Variants in RASGRF1 observed in about 807,000 individuals in gnomAD.
RASGRF1 encodes Ras protein specific guanine nucleotide releasing factor 1, also known as ras-specific guanine nucleotide-releasing factor 1.
Under a neutral mutation model 138.7 loss-of-function variants are expected in RASGRF1, and 40 were observed. The ratio of observed to expected loss-of-function variants is 0.29; its 90% CI spans 0.22 to 0.38. The LOEUF (loss-of-function observed/expected upper bound fraction) is 0.38. Among genes scored for constraint, RASGRF1 ranks in the 10% least tolerant of loss-of-function variants. The pLI, the probability that RASGRF1 is intolerant of heterozygous loss-of-function variation, is 1.00. For missense variants in RASGRF1, 1,108 were observed against 1,650.4 expected, an observed-to-expected ratio of 0.67 and a Z score of 5.69; for synonymous variants, 614 against 663.2, an observed-to-expected ratio of 0.93 and a Z score of 1.14.
At position 79,004,145 on chromosome 15, in the gene RASGRF1, C is replaced by T. The variant is rs763217651; in HGVS notation, c.2106G>A (p.Gln702=). Residue 702 remains glutamine (Q), a synonymous_variant, in exon 15 of 27, where the codon CAG becomes CAA. Coordinates refer to ENST00000558480, the MANE Select transcript of RASGRF1 (RefSeq NM_001145648.3). ...GTTCACCGTACAGGAGCTTATTGTT[C>T]TGGCCACTGGCAAACAGGAGCTCCA... ...RSLELLFASG[Q]NNKLLYGEPP... is the part of the protein sequence containing the mutation. 3.4e-5 allele frequency: 55 copies of T among 1,595,096 alleles called. No individual in the cohort carries two copies. Among genetic ancestry groups the T allele is most frequent in the Middle Eastern group, 1.7e-4 (1 of 6,004 alleles).
intron 24 of RASGRF1, chr15:78,980,375 G>A (rs1463807804): frequency 5.3e-6 from 2 of 376,290 alleles, no homozygotes; most frequent in Non-Finnish European, 9.6e-6. Context: ...CAGCTACTAT[G>A]CTTTCAGGGA....
chr15:79,028,829 A>G (rs1390310564), intron 8 of RASGRF1, among the ~76,000 whole-genome samples: 1 of 152,258 alleles, frequency 6.6e-6, no homozygotes, highest in African/African-American at 2.4e-5. Flanking sequence ...TCTCATAGAC[A>G]TTATTCAATT....
intron 13 of RASGRF1, among the ~76,000 whole-genome samples, chr15:79,011,197 T>C (rs1286762347): frequency 1.3e-5 from 2 of 152,116 alleles, no homozygotes; most frequent in Admixed American, 1.3e-4. Flanking sequence ...CCCCACTCCT[T>C]GCCGGTCGCG....
At chr15:78,994,846 C>A (rs2056355394) in intron 20 of RASGRF1, among the ~76,000 whole-genome samples, 2 of 151,780 alleles carry the variant, frequency 1.3e-5, no homozygotes, top group African/African-American at 4.8e-5. Context: ...GTCAGCCAGA[C>A]CTGGGTGTGA....
chr15:79,047,566 A>G (rs989933517), intron 4 of RASGRF1, among the ~76,000 whole-genome samples: 3 of 152,158 alleles, frequency 2.0e-5, no homozygotes, highest in African/African-American at 4.8e-5. Context: ...AAATTAGTTA[A>G]TCTCATACTT....
At position 78,973,282 on chromosome 15, in the gene RASGRF1, G is replaced by T. The variant is rs2055808061; in HGVS notation, c.3612+21C>A. On this transcript the variant is annotated intron_variant, in intron 25 of 26. Coordinates refer to ENST00000558480, the MANE Select transcript of RASGRF1 (RefSeq NM_001145648.3). The surrounding 1 kb of genome is among the most constrained non-coding windows in gnomAD (Gnocchi z 4.9). ...TGGGCTTCAACGCCCCCCTTCCCCT[G>T]CCTGGCTGGGGGGAACGCACCATCC... 5 of 1,559,734 alleles carry T rather than the reference G, an allele frequency of 3.2e-6. No homozygotes were observed. Among genetic ancestry groups the T allele is most frequent in the Non-Finnish European group, 4.4e-6 (5 of 1,137,862 alleles).
At chr15:78,985,549 A>G (rs1207512059) in intron 22 of RASGRF1, 3 of 196,730 alleles carry the variant, frequency 1.5e-5, no homozygotes, top group African/African-American at 7.0e-5. Flanking sequence ...ACAGAGAAAG[A>G]GATCAAATTC....
intron 2 of RASGRF1, among the ~76,000 whole-genome samples, chr15:79,061,245 C>T (rs2057599827): frequency 1.3e-5 from 2 of 151,918 alleles, no homozygotes; most frequent in East Asian, 1.9e-4. Flanking sequence ...GAGCTCAGCC[C>T]ACTGACTCTT....
chr15:79,016,767 G>A (rs1004722535), intron 12 of RASGRF1, among the ~76,000 whole-genome samples: 7 of 152,238 alleles, frequency 4.6e-5, no homozygotes, highest in African/African-American at 1.7e-4. Flanking sequence ...AAGGAAGGCT[G>A]GGAGCGGCAG....
chr15:79,041,935 T>C (rs2057302443), intron 5 of RASGRF1, among the ~76,000 whole-genome samples: 1 of 152,122 alleles, frequency 6.6e-6, no homozygotes. Context: ...CCACTGCCAA[T>C]CAGTCAGCGC....
chr15:79,056,669 T>C (rs1290709169), intron 3 of RASGRF1, among the ~76,000 whole-genome samples: 8 of 152,220 alleles, frequency 5.3e-5, no homozygotes, highest in African/African-American at 1.2e-4. Flanking sequence ...GTGCCTGTTA[T>C]CAGGCTAGCA....
intron 6 of RASGRF1, 26 bp downstream of exon 6, chr15:79,035,105 G>C: frequency 1.3e-6 from 2 of 1,591,338 alleles, no homozygotes; most frequent in Non-Finnish European, 1.7e-6. Flanking sequence ...CTTCTCTGGG[G>C]GCCGCAGTGA....
intron 5 of RASGRF1, among the ~76,000 whole-genome samples, chr15:79,044,779 C>T (rs1339596722): frequency 6.6e-6 from 1 of 152,108 alleles, no homozygotes; most frequent in Non-Finnish European, 1.5e-5. Context: ...CTCATTTGTT[C>T]TCCATTAAAG....
intron 1 of RASGRF1, among the ~76,000 whole-genome samples, chr15:79,078,330 A>G (rs1231833379): frequency 1.3e-5 from 2 of 152,094 alleles, no homozygotes; most frequent in South Asian, 2.1e-4. Flanking sequence ...GGCCACCCCA[A>G]GAGCATCTTC....
At position 79,027,239 on chromosome 15, in the gene RASGRF1, G is replaced by C. The variant is rs2057071994; in HGVS notation, c.1381+502C>G. Reference sequence around the variant, plus strand: ...CTCTCAAACACTGCTCCCAAGGTAAGCGAGGCTGAAGCTTGGGAAAGACCT... The same window carrying C: ...CTCTCAAACACTGCTCCCAAGGTAACCGAGGCTGAAGCTTGGGAAAGACCT... On this transcript the variant is annotated intron_variant, in intron 9 of 26. Transcript: ENST00000558480. This position sits in a 1 kb window ranked among gnomAD's most constrained non-coding sequence, Gnocchi z 4.8. Among the ~76,000 whole-genome samples the C allele has an allele frequency of 6.6e-6, 1 of 152,144 alleles. No individual in the cohort carries two copies. Among genetic ancestry groups the C allele is most frequent in the Non-Finnish European group, 1.5e-5 (1 of 68,024 alleles).
intron 22 of RASGRF1, 28 bp downstream of exon 22, chr15:78,990,161 T>C (rs2056239397): frequency 6.6e-7 from 1 of 1,526,402 alleles, no homozygotes; most frequent in Admixed American, 1.7e-5. Flanking sequence ...AAAACCCCAG[T>C]GAGAGAGGCG....
rs749296738 is a variant in RASGRF1, at chr15:79,058,319, C to T, written c.531+15G>A. 4.3e-6 allele frequency: 7 copies of T among 1,610,432 alleles called. No homozygotes were observed. The highest frequency in any genetic ancestry group is 5.9e-6 in the Non-Finnish European group (7 of 1,179,286). The stretch of plus-strand genomic sequence containing the variant: ...TGTGCCTAGGGCCTGGGCCCACCCC[C>T]CAGCCCGCAGTCACCTCTGCCTTCA... On this transcript the variant is annotated intron_variant, in intron 3 of 26. Coordinates refer to ENST00000558480, the MANE Select transcript of RASGRF1 (RefSeq NM_001145648.3).
Position 79,090,483 on chromosome 15 carries a change from G to A in RASGRF1, c.16C>T (p.Arg6Trp). 1 of 1,612,314 alleles carries A rather than the reference G, an allele frequency of 6.2e-7. No homozygotes were observed. The highest frequency in any genetic ancestry group is 8.5e-7 in the Non-Finnish European group (1 of 1,179,930). MQKGI[R>W]LNDGHVASLG... is the part of the protein sequence containing the mutation. Reference sequence around the variant, plus strand: ...GACGCGACGTGGCCATCATTCAGCCGGATCCCCTTCTGCATGGTGCTCAGA... The same window carrying A: ...GACGCGACGTGGCCATCATTCAGCCAGATCCCCTTCTGCATGGTGCTCAGA... Residue 6 changes from arginine to tryptophan, a missense_variant, in exon 1 of 27, where the codon CGG (arginine) becomes TGG (tryptophan). By Grantham distance (101) the Arg-to-Trp change is moderately radical. This residue lies in a region of RASGRF1 where 253 missense variants were observed against 329.5 expected (regional missense o/e 0.77). Coordinates refer to ENST00000558480, the MANE Select transcript of RASGRF1 (RefSeq NM_001145648.3).
At chr15:78,966,108 A>C (rs2055638835) in intron 26 of RASGRF1, among the ~76,000 whole-genome samples, 1 of 152,092 alleles carries the variant, frequency 6.6e-6, no homozygotes, top group Non-Finnish European at 1.5e-5. Context: ...TGATTCCCTT[A>C]GTGCTTTAAG....
Sources: gnomAD v4.1 joint callset for allele counts (sites outside exome capture counted in the v4.1 genomes callset) on GRCh38, gnomAD v4.1.1 for gene constraint, gnomAD v4.1.1 regional missense constraint, Gnocchi (gnomAD v3.1) non-coding constraint, MANE v1.5 for transcripts, NCBI Gene and HGNC (gene_info 2026-07-23, HGNC 2026-07-21) for gene names.